Variants in KLHL14 observed in about 807,000 individuals in gnomAD.
KLHL14 encodes kelch like family member 14, also known as kelch-like protein 14.
In KLHL14, 22 loss-of-function variants were observed where a neutral mutation model predicts 64.3. The ratio of observed to expected loss-of-function variants is 0.34; its 90% CI spans 0.24 to 0.49. KLHL14 has a LOEUF of 0.49. KLHL14 is among the 20% of genes least tolerant of loss of function. The pLI is 0.99. For synonymous variants in KLHL14, 322 were observed against 333.4 expected (o/e 0.97, Z 0.37); for missense variants, 661 against 789.0 (o/e 0.84, Z 1.94).
intron 3 of KLHL14, among the ~76,000 whole-genome samples, chr18:32,702,602 G>A (rs7237374): frequency 0.99 from 150,000 of 151,948 alleles, 74,056 homozygotes; most frequent in East Asian, 1. Context: ...AAATAAATAG[G>A]AAAAAGCTCT....
chr18:32,736,120 A>G (rs958689096), intron 3 of KLHL14, among the ~76,000 whole-genome samples: 1 of 152,186 alleles, frequency 6.6e-6, no homozygotes, highest in Non-Finnish European at 1.5e-5. Context: ...CAATTGCTAT[A>G]TTCAAGAGAG....
intron 3 of KLHL14, among the ~76,000 whole-genome samples, chr18:32,732,086 T>C (rs969237110): frequency 1.3e-5 from 2 of 152,014 alleles, no homozygotes; most frequent in East Asian, 1.9e-4. Context: ...TAGCCGGGCG[T>C]GGTGGCACAT....
At chr18:32,695,578 C>A in intron 3 of KLHL14, 26 bp from the exon 4 acceptor site, 3 of 1,387,324 alleles carry the variant, frequency 2.2e-6, no homozygotes, top group Non-Finnish European at 3.0e-6. Flanking sequence ...AAAAAAAAGA[C>A]ATATGAAATT....
At chr18:32,761,504 T>G (rs1351793942) in intron 2 of KLHL14, among the ~76,000 whole-genome samples, 1 of 151,700 alleles carries the variant, frequency 6.6e-6, no homozygotes, top group East Asian at 1.9e-4. Flanking sequence ...TATTTTGCCT[T>G]CTCCCCAGGC....
rs376205756 is a variant in KLHL14, at chr18:32,686,870, T to C, written c.1238+285A>G. On this transcript the variant is annotated intron_variant, in intron 5 of 8. Transcript: ENST00000359358. Reference sequence around the variant, plus strand: ...TATATTATCACCAAAAAGAGTGGTATAGCCAGAGAAATTGTAGCTCTATTT... The same window carrying C: ...TATATTATCACCAAAAAGAGTGGTACAGCCAGAGAAATTGTAGCTCTATTT... Among the ~76,000 whole-genome samples, 11 of 152,318 alleles carry C rather than the reference T, an allele frequency of 7.2e-5. No homozygotes were observed. In the East Asian group the frequency reaches 2.1e-3, roughly 29 times the overall value.
chr18:32,730,081 G>C (rs533234400), intron 3 of KLHL14, among the ~76,000 whole-genome samples: 3 of 152,238 alleles, frequency 2.0e-5, no homozygotes, highest in South Asian at 4.1e-4. Flanking sequence ...TTGAACAAAA[G>C]GTATTTACTA....
rs1267543356 is a variant in KLHL14, at chr18:32,674,804, T to A, written c.1747-7A>T. ...TAGATGACTTGTAGGCCCCCTGTAATGACAGAGGAGGGAGCATTTAGAGAA... is the reference window on the plus strand; with the variant it reads ...TAGATGACTTGTAGGCCCCCTGTAAAGACAGAGGAGGGAGCATTTAGAGAA... On this transcript the variant is annotated splice_polypyrimidine_tract_variant and splice_region_variant and intron_variant, in intron 8 of 8. Transcript: ENST00000359358. The A allele has an allele frequency of 1.3e-6, 1 of 780,004 alleles. No individual in the cohort carries two copies. Among genetic ancestry groups the A allele is most frequent in the African/African-American group, 1.7e-5 (1 of 59,086 alleles). 48.3% of individuals were successfully genotyped at this position (780,004 alleles called of 1,614,324 possible).
At chr18:32,734,392 C>A (rs1473309682) in intron 3 of KLHL14, 4 of 618,478 alleles carry the variant, frequency 6.5e-6, no homozygotes, top group Non-Finnish European at 1.2e-5. Context: ...GGAGCAGATG[C>A]CCTCTATCAA....
chr18:32,759,891 C>T (rs767321952), intron 2 of KLHL14, among the ~76,000 whole-genome samples: 6 of 152,168 alleles, frequency 3.9e-5, no homozygotes, highest in Non-Finnish European at 8.8e-5. Context: ...TGGGATCTCT[C>T]ACTGTATCAG....
Position 32,673,973 on chromosome 18 carries a change from A to G in KLHL14, c.*684T>C, listed in dbSNP as rs1169722111. 1 of 152,210 alleles carries G rather than the reference A, an allele frequency of 6.6e-6. No individual in the cohort carries two copies. The highest frequency in any genetic ancestry group is 1.5e-5 in the Non-Finnish European group (1 of 68,036). The allele number at this position is 152,210 out of a possible 1,614,324, so 9.4% of individuals were successfully genotyped here. On this transcript the variant is annotated 3_prime_UTR_variant, in exon 9 of 9. Transcript: ENST00000359358. Reference sequence around the variant, plus strand: ...TAATCTTTCAGATAAAATTGAGGACACAGAAATGACGACTCTGTCTAGCCT... The same window carrying G: ...TAATCTTTCAGATAAAATTGAGGACGCAGAAATGACGACTCTGTCTAGCCT...
chr18:32,697,983 G>A (rs1482296971), intron 3 of KLHL14, among the ~76,000 whole-genome samples: 1 of 152,036 alleles, frequency 6.6e-6, no homozygotes, highest in Non-Finnish European at 1.5e-5. Flanking sequence ...TTATTACTGT[G>A]AATTGAGAGG....
chr18:32,678,137 G>A (rs181524061), intron 7 of KLHL14, among the ~76,000 whole-genome samples: 10 of 152,158 alleles, frequency 6.6e-5, no homozygotes, highest in Non-Finnish European at 1.0e-4. Context: ...GCACTACCTA[G>A]GTCACTGAGA....
intron 3 of KLHL14, among the ~76,000 whole-genome samples, chr18:32,699,181 T>TG (rs1480667740): frequency 1.3e-5 from 2 of 152,172 alleles, no homozygotes; most frequent in East Asian, 3.8e-4. Flanking sequence ...TCTTTGTGGA[T>TG]GGGAAAAAGG....
chr18:32,756,552 T>C (rs191838179), intron 2 of KLHL14, among the ~76,000 whole-genome samples: 413 of 152,312 alleles, frequency 2.7e-3, no homozygotes, highest in African/African-American at 9.6e-3. Context: ...ATGGAAGGCT[T>C]GAGGGGCTCT....
rs1266918514 is a variant in KLHL14, at chr18:32,770,307, C to T, written c.285G>A (p.Gln95=). The change falls in exon 2 of 9, where the codon CAG becomes CAA. Residue 95 remains glutamine, a synonymous_variant. Coordinates refer to ENST00000359358, the MANE Select transcript of KLHL14 (RefSeq NM_020805.3). This position sits in a 1 kb window ranked among gnomAD's most constrained non-coding sequence, Gnocchi z 6.7. ...QQPPQQQPSQ[Q]QQPPPQEEPG... Reference sequence around the variant, plus strand: ...GCTCCTCCTGCGGCGGCGGCTGCTGCTGCTGTGACGGCTGCTGCTGCGGCG... The same window carrying T: ...GCTCCTCCTGCGGCGGCGGCTGCTGTTGCTGTGACGGCTGCTGCTGCGGCG... The T allele has an allele frequency of 6.3e-7, 1 of 1,587,024 alleles. No homozygotes were observed. Among genetic ancestry groups the T allele is most frequent in the Non-Finnish European group, 8.6e-7 (1 of 1,166,566 alleles).
chr18:32,769,125 G>C (rs1268030198), intron 2 of KLHL14, among the ~76,000 whole-genome samples: 1 of 152,220 alleles, frequency 6.6e-6, no homozygotes, highest in Non-Finnish European at 1.5e-5. Flanking sequence ...TCCCAGTCAT[G>C]AAGAAACAAC....
chr18:32,748,049 C>A (rs950610405), intron 2 of KLHL14, among the ~76,000 whole-genome samples: 3 of 152,130 alleles, frequency 2.0e-5, no homozygotes, highest in East Asian at 1.9e-4. Flanking sequence ...TTGTTCATTG[C>A]GGTACTTAAT....
At position 32,770,577 on chromosome 18, in the gene KLHL14, C is replaced by T. The variant is rs553349281; in HGVS notation, c.15G>A (p.Gly5=). Residue 5 remains glycine, a synonymous_variant, in exon 2 of 9, where the codon GGG becomes GGA. Transcript: ENST00000359358. The surrounding 1 kb of genome is among the most constrained non-coding windows in gnomAD (Gnocchi z 6.7). ...TGGGGTCGAAGGTGGAGGTCCTGTC[C>T]CCGGATCTGGACATGGCGAGCTGAC... The part of the protein sequence containing the change: MSRS[G]DRTSTFDPSH... 42 of 1,582,422 alleles carry T rather than the reference C, an allele frequency of 2.7e-5. No individual in the cohort carries two copies. Among genetic ancestry groups the T allele is most frequent in the Middle Eastern group, 1.7e-4 (1 of 5,954 alleles).
At chr18:32,762,913 G>A (rs1363909085) in intron 2 of KLHL14, among the ~76,000 whole-genome samples, 2 of 152,062 alleles carry the variant, frequency 1.3e-5, no homozygotes, top group Admixed American at 6.5e-5. Context: ...TTTTCAGTTA[G>A]AGAGGTCTTA....
Sources: allele counts gnomAD v4.1 joint callset (sites outside exome capture counted in the v4.1 genomes callset), GRCh38; gene constraint gnomAD v4.1.1; non-coding constraint Gnocchi (gnomAD v3.1); transcripts MANE v1.5; gene names NCBI Gene and HGNC (gene_info 2026-07-23, HGNC 2026-07-21).